The following GALNT17 variants were observed in gnomAD, a reference collection of about 807,000 sequenced individuals.
GALNT17 encodes the protein UDP-GalNAc:polypeptide N-acetylgalactosaminyltransferase-like 3.
In GALNT17, 29 loss-of-function variants were observed where a neutral mutation model predicts 63.7. The observed-to-expected ratio is 0.46, with a 90% CI of 0.34 to 0.62. GALNT17 has a LOEUF of 0.62. Among genes scored for constraint, GALNT17 ranks in the 20% least tolerant of loss-of-function variants. The pLI is 0.01. For synonymous variants in GALNT17, 305 were observed against 318.3 expected (o/e 0.96, Z 0.45); for missense variants, 603 against 799.6 (o/e 0.75, Z 2.97).
intron 2 of GALNT17, among the ~76,000 whole-genome samples, chr7:71,381,206 C>A (rs1792840431): frequency 6.6e-6 from 1 of 152,044 alleles, no homozygotes; most frequent in Non-Finnish European, 1.5e-5. Flanking sequence ...TGGTGGTCCG[C>A]TGCCTCTACC....
At chr7:71,148,347 A>C (rs1788062967) in intron 1 of GALNT17, among the ~76,000 whole-genome samples, 1 of 152,182 alleles carries the variant, frequency 6.6e-6, no homozygotes, top group African/African-American at 2.4e-5. Context: ...GGATTCCTGT[A>C]GCAGTGGCCA....
At chr7:71,448,364 T>TGC (rs1348566140) in intron 5 of GALNT17, among the ~76,000 whole-genome samples, 1 of 151,804 alleles carries the variant, frequency 6.6e-6, no homozygotes, top group Non-Finnish European at 1.5e-5. Flanking sequence ...TGTATGTGTG[T>TGC]GTGTGTGTGT....
At chr7:71,156,618 C>CT (rs1788240287) in intron 1 of GALNT17, among the ~76,000 whole-genome samples, 1 of 147,440 alleles carries the variant, frequency 6.8e-6, no homozygotes. Context: ...TCCTTCCTTC[C>CT]TCCATTCTTT....
chr7:71,393,971 A>C (rs1167328668), intron 3 of GALNT17, among the ~76,000 whole-genome samples: 1 of 147,482 alleles, frequency 6.8e-6, no homozygotes, highest in African/African-American at 2.6e-5. Context: ...GTGCCCCGAC[A>C]CTACTCTCTG....
chr7:71,518,660 G>T (rs1361971094), intron 5 of GALNT17, among the ~76,000 whole-genome samples: 2 of 152,188 alleles, frequency 1.3e-5, no homozygotes, highest in Non-Finnish European at 2.9e-5. Flanking sequence ...CTCTAAACAG[G>T]ATTTGGATAT....
intron 1 of GALNT17, among the ~76,000 whole-genome samples, chr7:71,293,062 A>ATG (rs750638710): frequency 6.7e-5 from 10 of 149,276 alleles, no homozygotes; most frequent in Admixed American, 1.3e-4. Context: ...TCCATTGTGT[A>ATG]TGTGTGTGTG....
At chr7:71,530,054 A>G (rs1011789626) in intron 5 of GALNT17, among the ~76,000 whole-genome samples, 12 of 152,160 alleles carry the variant, frequency 7.9e-5, no homozygotes, top group South Asian at 2.1e-4. Context: ...AGAACACATA[A>G]TTAGTTAGTT....
intron 1 of GALNT17, among the ~76,000 whole-genome samples, chr7:71,137,297 G>C (rs1311731717): frequency 6.6e-6 from 1 of 151,796 alleles, no homozygotes; most frequent in Non-Finnish European, 1.5e-5. Context: ...CCGCCACCAC[G>C]CCCGGCTAAT....
intron 6 of GALNT17, among the ~76,000 whole-genome samples, chr7:71,597,829 A>G (rs1277927182): frequency 1.3e-5 from 2 of 152,140 alleles, no homozygotes; most frequent in African/African-American, 4.8e-5. Flanking sequence ...GGACCTGTGT[A>G]GTGTCGTCTG....
chr7:71,230,545 G>A (rs1408345012), intron 1 of GALNT17, among the ~76,000 whole-genome samples: 1 of 152,104 alleles, frequency 6.6e-6, no homozygotes, highest in Non-Finnish European at 1.5e-5. Flanking sequence ...TCTGTCACTT[G>A]GCCACCCTTA....
intron 5 of GALNT17, among the ~76,000 whole-genome samples, chr7:71,552,330 C>T (rs1424877932): frequency 3.9e-5 from 6 of 152,078 alleles, no homozygotes; most frequent in African/African-American, 1.4e-4. Context: ...CAGGCGTGAG[C>T]TGCTGTGCCT....
At chr7:71,194,902 C>T (rs1023844626) in intron 1 of GALNT17, among the ~76,000 whole-genome samples, 2 of 152,288 alleles carry the variant, frequency 1.3e-5, no homozygotes, top group East Asian at 1.9e-4. Flanking sequence ...GGGACTGCCC[C>T]GGTGTCTGGA....
At chr7:71,386,224 C>T (rs1792941048) in intron 2 of GALNT17, among the ~76,000 whole-genome samples, 1 of 152,186 alleles carries the variant, frequency 6.6e-6, no homozygotes, top group African/African-American at 2.4e-5. Flanking sequence ...TGTAACAAAA[C>T]TTTATTTTCT....
At chr7:71,198,066 C>T (rs1448283995) in intron 1 of GALNT17, among the ~76,000 whole-genome samples, 2 of 151,750 alleles carry the variant, frequency 1.3e-5, no homozygotes, top group Admixed American at 6.6e-5. Flanking sequence ...GATGTGGTGG[C>T]GGGCTCCTGT....
intron 5 of GALNT17, among the ~76,000 whole-genome samples, chr7:71,441,169 C>T (rs746553003): frequency 1.7e-4 from 26 of 151,910 alleles, no homozygotes; most frequent in Non-Finnish European, 2.6e-4. Context: ...ACTATAGGCG[C>T]CCGCCACCAC....
At chr7:71,288,238 A>AT (rs56295321) in intron 1 of GALNT17, among the ~76,000 whole-genome samples, 2 of 140,902 alleles carry the variant, frequency 1.4e-5, no homozygotes, top group Non-Finnish European at 3.1e-5. Flanking sequence ...AAAAAAAAAA[A>AT]TCCAAACGAA....
At chr7:71,186,132 A>G (rs559891706) in intron 1 of GALNT17, among the ~76,000 whole-genome samples, 1 of 152,340 alleles carries the variant, frequency 6.6e-6, no homozygotes, top group East Asian at 1.9e-4. Flanking sequence ...TATGCAACCC[A>G]CATTTTTGAA....
intron 1 of GALNT17, among the ~76,000 whole-genome samples, chr7:71,224,048 G>A (rs979668126): frequency 6.6e-6 from 1 of 152,054 alleles, no homozygotes; most frequent in African/African-American, 2.4e-5. Flanking sequence ...AGAAGCAGGT[G>A]TTCAATACAT....
intron 5 of GALNT17, among the ~76,000 whole-genome samples, chr7:71,520,518 G>A (rs938124534): frequency 6.6e-6 from 1 of 151,384 alleles, no homozygotes; most frequent in African/African-American, 2.4e-5. Context: ...GTGAGACTCC[G>A]TCTCAAAAAA....
Sources: allele counts gnomAD v4.1 joint callset (sites outside exome capture counted in the v4.1 genomes callset), GRCh38; gene constraint gnomAD v4.1.1; transcripts MANE v1.5; gene names NCBI Gene and HGNC (gene_info 2026-07-23, HGNC 2026-07-21).